DAG1: variants seen among roughly 807,000 people sequenced by gnomAD.
The protein encoded by DAG1 is dystroglycan 1 (dystrophin-associated glycoprotein 1).
DAG1 carries 8 observed loss-of-function variants against 46.1 expected under a neutral mutation model. The observed-to-expected ratio is 0.17, with a 90% CI of 0.10 to 0.31. DAG1 has a LOEUF of 0.31. DAG1 is among the 10% of genes least tolerant of loss of function. DAG1 has a pLI of 1.00. For synonymous variants in DAG1, 495 were observed against 481.8 expected (o/e 1.03, Z -0.36); for missense variants, 1,003 against 1,189.9 (o/e 0.84, Z 2.31).
intron 2 of DAG1, among the ~76,000 whole-genome samples, chr3:49,527,393 G>A (rs931618871): frequency 5.6e-4 from 86 of 152,284 alleles, no homozygotes; most frequent in African/African-American, 1.8e-3. Flanking sequence ...GCACGGTGGC[G>A]GGCGCCTGTA....
rs145517060 is a variant in DAG1, at chr3:49,481,979, A to G, written c.-117+11546A>G. On this transcript the variant is annotated intron_variant, in intron 1 of 2. Transcript: ENST00000308775. The stretch of plus-strand genomic sequence containing the variant: ...TATGAAACATGAATAAACTTTTATC[A>G]TCGTCATCATTTCCTAAATGTTAGA... Among the ~76,000 whole-genome samples the G allele has an allele frequency of 3.6e-4, 55 of 152,298 alleles. No homozygotes were observed. In the East Asian group the frequency reaches 0.01, roughly 29 times the overall value.
chr3:49,481,043 G>A (rs1479444591), intron 1 of DAG1, among the ~76,000 whole-genome samples: 1 of 147,350 alleles, frequency 6.8e-6, no homozygotes, highest in African/African-American at 2.5e-5. Context: ...TTACAGGCGT[G>A]AGCCACCACG....
chr3:49,530,877 T>G lies in DAG1; in HGVS notation c.366T>G (p.Leu122=). Residue 122 remains leucine (L), a synonymous_variant, in exon 3 of 3, where the codon CTT becomes CTG. Coordinates refer to ENST00000308775, the MANE Select transcript of DAG1 (RefSeq NM_004393.6). ...SQSHTLEGLP[L]DTDKGVHYIS... ...GCCACACCCTGGAGGGCCTCCCCCT[T>G]GACACTGATAAGGGTGTGCATTACA... is the stretch of plus-strand genomic sequence containing the variant. 6.2e-7 allele frequency: 1 copy of G among 1,614,128 alleles called. No individual in the cohort carries two copies. Among genetic ancestry groups the G allele is most frequent in the African/African-American group, 1.3e-5 (1 of 75,032 alleles).
At position 49,531,420 on chromosome 3, in the gene DAG1, G is replaced by A. The variant is rs938467092; in HGVS notation, c.909G>A (p.Lys303=). The A allele has an allele frequency of 6.8e-6, 11 of 1,613,740 alleles. No individual in the cohort carries two copies. The highest frequency in any genetic ancestry group is 5.3e-5 in the African/African-American group (4 of 74,788). The change falls in exon 3 of 3, where the codon AAG becomes AAA. Residue 303 remains lysine (K), a synonymous_variant. Transcript: ENST00000308775. This position sits in a 1 kb window ranked among gnomAD's most constrained non-coding sequence, Gnocchi z 7.0. ...PVVGWHIANK[K]PPLPKRVRRQ... is the part of the protein sequence containing the mutation. The stretch of plus-strand genomic sequence containing the variant: ...TGGGTTGGCACATCGCCAATAAGAA[G>A]CCCCCTCTTCCCAAACGCGTCCGGA...
intron 1 of DAG1, 169 bp from the exon 2 acceptor site, chr3:49,510,250 C>T: frequency 1.9e-6 from 1 of 529,788 alleles, no homozygotes. Flanking sequence ...GCTACATTTC[C>T]AGTGCTAAGG....
In DAG1 at chr3:49,479,628, CTTTTTTTTTTTTTTTT is replaced by C. The variant is rs71080522; in HGVS notation, c.-117+9207_-117+9222del. On this transcript the variant is annotated intron_variant, in intron 1 of 2. Transcript: ENST00000308775. ...CTGCGCCGGCCTGAATATAACATTT[CTTTTTTTTTTTTTTTT>C]TTTTTTTTTTTGAGACCGAGTCTCC... Among the ~76,000 whole-genome samples the C allele has an allele frequency of 1.5e-4, 7 of 47,200 alleles. No homozygotes were observed. In the East Asian group the frequency reaches 4.4e-3, roughly 30 times the overall value. The allele number at this position is 47,200 out of a possible 152,430, so 31.0% of individuals were successfully genotyped here. A position where few individuals can be genotyped will look rare whatever the true frequency, so the allele number is the denominator to read the frequency against.
intron 1 of DAG1, among the ~76,000 whole-genome samples, chr3:49,472,990 G>A (rs1451846910): frequency 6.6e-6 from 1 of 151,724 alleles, no homozygotes; most frequent in South Asian, 2.1e-4. Context: ...GCATGGTGGC[G>A]GGCGCCTTTA....
At chr3:49,477,256 C>T (rs866597739) in intron 1 of DAG1, among the ~76,000 whole-genome samples, 31 of 152,204 alleles carry the variant, frequency 2.0e-4, no homozygotes, top group Middle Eastern at 3.4e-3. Flanking sequence ...CTCGGCCTCC[C>T]AAAGTGCTGG....
rs769337017 is a variant in DAG1 at position 49,510,699 on chromosome 3, A to G, written c.165A>G (p.Ser55=). 1 of 1,614,162 alleles carries G rather than the reference A, an allele frequency of 6.2e-7. No individual in the cohort carries two copies. The highest frequency in any genetic ancestry group is 1.1e-5 in the South Asian group (1 of 91,080). Residue 55 remains serine, a synonymous_variant, in exon 2 of 3, where the codon TCA becomes TCG. Coordinates refer to ENST00000308775, the MANE Select transcript of DAG1 (RefSeq NM_004393.6). ...QLEASMHSVL[S]DLHEAVPTVV... ...AGGCATCCATGCACTCAGTGCTCTC[A>G]GACCTCCACGAGGCTGTTCCCACAG...
At chr3:49,497,704 G>A (rs886111408) in intron 1 of DAG1, among the ~76,000 whole-genome samples, 1 of 152,182 alleles carries the variant, frequency 6.6e-6, no homozygotes, top group Non-Finnish European at 1.5e-5. Context: ...CAAGTATACT[G>A]TTCGGTAATA....
At chr3:49,529,138 AC>A (rs1378668459) in intron 2 of DAG1, among the ~76,000 whole-genome samples, 4 of 152,194 alleles carry the variant, frequency 2.6e-5, no homozygotes, top group Admixed American at 2.6e-4. Context: ...GGGGTGAGCC[AC>A]CATGCCTGGC....
At chr3:49,517,333 C>T (rs2050924407) in intron 2 of DAG1, among the ~76,000 whole-genome samples, 1 of 152,154 alleles carries the variant, frequency 6.6e-6, no homozygotes, top group Non-Finnish European at 1.5e-5. Context: ...AAGGTCTTAT[C>T]TTCAGGTAAC....
intron 1 of DAG1, chr3:49,476,733 G>A (rs1010606128): frequency 2.0e-5 from 3 of 152,158 alleles, no homozygotes; most frequent in Admixed American, 1.3e-4. Context: ...TGAGTAATTT[G>A]TGGTGTGGGC....
At chr3:49,521,937 C>T (rs144275801) in intron 2 of DAG1, among the ~76,000 whole-genome samples, 3,087 of 152,244 alleles carry the variant, frequency 0.02, 37 homozygotes, top group Non-Finnish European at 0.03. Flanking sequence ...GCAATCTCCA[C>T]CTCCCGGGTT....
chr3:49,513,735 C>T (rs980332522), intron 2 of DAG1, among the ~76,000 whole-genome samples: 6 of 152,182 alleles, frequency 3.9e-5, no homozygotes, highest in Admixed American at 2.0e-4. Flanking sequence ...TCACAGAGCT[C>T]TTCCTAGTTT....
intron 2 of DAG1, among the ~76,000 whole-genome samples, chr3:49,518,276 G>A (rs2050945923): frequency 6.6e-6 from 1 of 152,166 alleles, no homozygotes; most frequent in Non-Finnish European, 1.5e-5. Context: ...ATTGGTTAGG[G>A]GATATGCATG....
intron 1 of DAG1, among the ~76,000 whole-genome samples, chr3:49,505,357 C>A (rs984853842): frequency 1.3e-5 from 2 of 152,080 alleles, no homozygotes; most frequent in Non-Finnish European, 2.9e-5. Flanking sequence ...TCTTGCGTAG[C>A]TGGGATCACA....
In DAG1 at chr3:49,531,048, A is replaced by G. The variant is rs1553652562; in HGVS notation, c.537A>G (p.Ser179=). The G allele has an allele frequency of 6.2e-7, 1 of 1,614,212 alleles. No individual in the cohort carries two copies. Among genetic ancestry groups the G allele is most frequent in the Non-Finnish European group, 8.5e-7 (1 of 1,180,030 alleles). ...TASPDPGEVV[S]SACAADEPVT... ...CCCCAGACCCTGGTGAGGTGGTATC[A>G]TCTGCCTGTGCTGCGGATGAACCTG... Residue 179 remains serine, a synonymous_variant, in exon 3 of 3, where the codon TCA becomes TCG. Coordinates refer to ENST00000308775, the MANE Select transcript of DAG1 (RefSeq NM_004393.6). The surrounding 1 kb of genome is among the most constrained non-coding windows in gnomAD (Gnocchi z 7.0).
chr3:49,531,850 C>T lies in DAG1; in HGVS notation c.1339C>T (p.Arg447Cys), dbSNP rs2051358194. 5 of 1,614,046 alleles carry T rather than the reference C, an allele frequency of 3.1e-6. No homozygotes were observed. The highest frequency in any genetic ancestry group is 3.4e-6 in the Non-Finnish European group (4 of 1,180,016). ...AACTGACTCCACCACCACCACGACT[C>T]GCAGGCCAACCAAGAAACCACGGAC... Reference protein sequence around the residue: ...PSTDSTTTTTRRPTKKPRTPR... With the variant: ...PSTDSTTTTTCRPTKKPRTPR... Residue 447 changes from arginine to cysteine, a missense_variant, in exon 3 of 3, where the codon CGC becomes TGC. Transcript: ENST00000308775. The surrounding 1 kb of genome is among the most constrained non-coding windows in gnomAD (Gnocchi z 7.0).
Sources: gnomAD v4.1 joint callset for allele counts (sites outside exome capture counted in the v4.1 genomes callset) on GRCh38, gnomAD v4.1.1 for gene constraint, Gnocchi (gnomAD v3.1) non-coding constraint, MANE v1.5 for transcripts, NCBI Gene and HGNC (gene_info 2026-07-23, HGNC 2026-07-21) for gene names.